Variants in PCSK2 observed in about 807,000 individuals in gnomAD.
The protein encoded by PCSK2 is neuroendocrine convertase 2.
A neutral mutation model predicts 69.7 loss-of-function variants in PCSK2; 14 were observed. The observed-to-expected ratio is 0.20, with a 90% confidence interval of 0.13 to 0.31. The LOEUF (loss-of-function observed/expected upper bound fraction) is 0.31, where lower values mean the gene tolerates loss of function less well. PCSK2 is among the 10% of genes least tolerant of loss of function. The pLI, the probability that PCSK2 is intolerant of heterozygous loss-of-function variation, is 1.00. For synonymous variants in PCSK2, 307 were observed against 320.7 expected, an observed-to-expected ratio of 0.96 and a Z score of 0.46; for missense variants, 544 against 842.5, an observed-to-expected ratio of 0.65 and a Z score of 4.39.
At chr20:17,408,821 G>T (rs73898506) in intron 5 of PCSK2, among the ~76,000 whole-genome samples, 5,890 of 152,262 alleles carry the variant, frequency 0.039, 392 homozygotes, top group African/African-American at 0.13. Context: ...GGAAGAAGCT[G>T]GTTGTGAGCT....
chr20:17,432,473 A>G (rs1442172345), intron 7 of PCSK2, among the ~76,000 whole-genome samples: 1 of 152,206 alleles, frequency 6.6e-6, no homozygotes, highest in East Asian at 1.9e-4. Context: ...ATTTAATTGT[A>G]TAAATTTTGA....
intron 5 of PCSK2, among the ~76,000 whole-genome samples, chr20:17,370,279 C>A (rs1002984939): frequency 6.6e-6 from 1 of 152,112 alleles, no homozygotes; most frequent in Admixed American, 6.5e-5. Flanking sequence ...GGTTACCCAG[C>A]AAAAAGTGTT....
At position 17,407,304 on chromosome 20, in the gene PCSK2, C is replaced by T. The variant is rs560156348; in HGVS notation, c.544-1959C>T. Among the ~76,000 whole-genome samples the T allele has an allele frequency of 1.2e-4, 18 of 152,240 alleles. No homozygotes were observed. In the South Asian group the frequency reaches 3.1e-3, roughly 26 times the overall value. ...GCAGCCTCAGGGGCCCGCTGAGTGG[C>T]CACTCGTGCTGGATTTCCACCCACC... On this transcript the variant is annotated intron_variant, in intron 5 of 11. Coordinates refer to ENST00000262545, the MANE Select transcript of PCSK2 (RefSeq NM_002594.5).
chr20:17,436,908 C>A (rs774585720), intron 8 of PCSK2, 25 bp downstream of exon 8: 2 of 1,569,472 alleles, frequency 1.3e-6, no homozygotes, highest in Non-Finnish European at 1.7e-6. Context: ...CCCCTAGGCC[C>A]CGGCCACTCA....
At chr20:17,318,203 C>G (rs946282048) in intron 2 of PCSK2, among the ~76,000 whole-genome samples, 2 of 152,318 alleles carry the variant, frequency 1.3e-5, no homozygotes, top group Admixed American at 1.3e-4. Flanking sequence ...CAGAACACTT[C>G]CAGCTCAATT....
intron 2 of PCSK2, among the ~76,000 whole-genome samples, chr20:17,331,383 A>T (rs1990202178): frequency 6.6e-6 from 1 of 152,236 alleles, no homozygotes; most frequent in Non-Finnish European, 1.5e-5. Flanking sequence ...AGCCAAGAAG[A>T]ACCTGAGTCA....
At chr20:17,279,661 C>T (rs1482947752) in intron 2 of PCSK2, among the ~76,000 whole-genome samples, 1 of 151,998 alleles carries the variant, frequency 6.6e-6, no homozygotes, top group Non-Finnish European at 1.5e-5. Flanking sequence ...GTGGTGCATG[C>T]CTGTAATCCC....
chr20:17,270,323 T>A (rs1243033158), intron 2 of PCSK2, among the ~76,000 whole-genome samples: 1 of 152,172 alleles, frequency 6.6e-6, no homozygotes, highest in Non-Finnish European at 1.5e-5. Flanking sequence ...TTTCACGGTC[T>A]TAAAGCCAAA....
intron 1 of PCSK2, among the ~76,000 whole-genome samples, chr20:17,229,544 T>A (rs1600392194): frequency 6.6e-6 from 1 of 151,692 alleles, no homozygotes. Context: ...AGAGATCAGA[T>A]AACTAGGCCT....
chr20:17,298,186 A>G (rs1184867811), intron 2 of PCSK2, among the ~76,000 whole-genome samples: 2 of 152,220 alleles, frequency 1.3e-5, no homozygotes, highest in African/African-American at 4.8e-5. Context: ...CCTGAGTAAG[A>G]TACTAAATTT....
intron 11 of PCSK2, among the ~76,000 whole-genome samples, chr20:17,466,731 T>C (rs932078317): frequency 2.0e-5 from 3 of 152,222 alleles, no homozygotes; most frequent in African/African-American, 2.4e-5. Flanking sequence ...TGTTGATAAA[T>C]GTATACACCC....
intron 1 of PCSK2, among the ~76,000 whole-genome samples, chr20:17,245,025 G>C (rs1986721044): frequency 1.3e-5 from 2 of 152,086 alleles, no homozygotes; most frequent in African/African-American, 4.8e-5. Flanking sequence ...AGGCAGAGCA[G>C]GTCAGATCTC....
At chr20:17,265,073 G>A (rs1207860621) in intron 2 of PCSK2, among the ~76,000 whole-genome samples, 11 of 151,996 alleles carry the variant, frequency 7.2e-5, no homozygotes, top group Non-Finnish European at 1.2e-4. Flanking sequence ...CATGTTGGCC[G>A]GGCTGGTCTT....
At chr20:17,437,532 G>A (rs1203284607) in intron 8 of PCSK2, among the ~76,000 whole-genome samples, 1 of 152,152 alleles carries the variant, frequency 6.6e-6, no homozygotes, top group African/African-American at 2.4e-5. Context: ...CCAGGCTCAG[G>A]GACCAGAGGA....
intron 7 of PCSK2, among the ~76,000 whole-genome samples, chr20:17,433,738 T>C (rs1167112283): frequency 5.9e-5 from 9 of 151,652 alleles, no homozygotes; most frequent in Admixed American, 5.9e-4. Flanking sequence ...AATACACATA[T>C]CAGCATTGTT....
intron 5 of PCSK2, among the ~76,000 whole-genome samples, chr20:17,391,215 G>A (rs927946174): frequency 2.6e-5 from 4 of 152,046 alleles, no homozygotes; most frequent in African/African-American, 4.8e-5. Flanking sequence ...AGTCCTCCCA[G>A]GAGAATCCCT....
intron 1 of PCSK2, among the ~76,000 whole-genome samples, chr20:17,229,529 G>A (rs563879569): frequency 6.6e-6 from 1 of 151,460 alleles, no homozygotes; most frequent in East Asian, 2.0e-4. Context: ...TGTGCCCTTA[G>A]GATCAGAGAT....
chr20:17,444,981 C>T (rs577019918), intron 8 of PCSK2, among the ~76,000 whole-genome samples: 2 of 152,316 alleles, frequency 1.3e-5, no homozygotes, highest in South Asian at 4.1e-4. Context: ...CATATGCTGA[C>T]ATTTGGAAAC....
intron 4 of PCSK2, among the ~76,000 whole-genome samples, chr20:17,365,940 C>T (rs547739884): frequency 1.3e-5 from 2 of 152,296 alleles, no homozygotes; most frequent in African/African-American, 4.8e-5. Flanking sequence ...GGGGTGGAGT[C>T]TCATGCCTGC....
Sources: gnomAD v4.1 joint callset for allele counts (sites outside exome capture counted in the v4.1 genomes callset) on GRCh38, gnomAD v4.1.1 for gene constraint, MANE v1.5 for transcripts, NCBI Gene and HGNC (gene_info 2026-07-23, HGNC 2026-07-21) for gene names.